EML4: variants seen among roughly 807,000 people sequenced by gnomAD.
EML4 encodes the protein EMAP like 4.
In EML4, 72 loss-of-function variants were observed where a neutral mutation model predicts 129.0. The ratio of observed to expected loss-of-function variants is 0.56; its 90% CI spans 0.46 to 0.68. EML4 has a LOEUF of 0.68. EML4 is among the 30% of genes least tolerant of loss of function. EML4 has a pLI of 0.00. For missense variants in EML4, 1,363 were observed against 1,190.6 expected, an observed-to-expected ratio of 1.14 and a Z score of -2.13; for synonymous variants, 532 against 405.0, an observed-to-expected ratio of 1.31 and a Z score of -3.77.
At chr2:42,194,450 G>A (rs1290413295) in intron 1 of EML4, among the ~76,000 whole-genome samples, 1 of 146,252 alleles carries the variant, frequency 6.8e-6, no homozygotes, top group Non-Finnish European at 1.5e-5. Context: ...CCCCTACATT[G>A]TGGCTTGCCT....
At chr2:42,192,855 C>G (rs1671681723) in intron 1 of EML4, among the ~76,000 whole-genome samples, 1 of 152,130 alleles carries the variant, frequency 6.6e-6, no homozygotes, top group Admixed American at 6.5e-5. Context: ...ATCTAGAGAC[C>G]CTGAGATTCT....
intron 3 of EML4, among the ~76,000 whole-genome samples, 167 bp from the exon 4 acceptor site, chr2:42,260,954 C>T (rs577903581): frequency 9.9e-5 from 15 of 152,126 alleles, no homozygotes; most frequent in Non-Finnish European, 2.2e-4. Context: ...ATGTTAATAG[C>T]TTCTGGAATT....
intron 3 of EML4, among the ~76,000 whole-genome samples, chr2:42,258,799 T>G (rs180788546): frequency 3.3e-5 from 5 of 152,342 alleles, no homozygotes; most frequent in Admixed American, 2.0e-4. Flanking sequence ...TGCATCAGGT[T>G]AAGAAATGTC....
At chr2:42,211,326 T>C (rs1181572411) in intron 1 of EML4, among the ~76,000 whole-genome samples, 2 of 152,136 alleles carry the variant, frequency 1.3e-5, no homozygotes, top group Non-Finnish European at 2.9e-5. Flanking sequence ...CTGTGTTGAA[T>C]AGAATAAAAG....
At chr2:42,221,990 C>G (rs1453834804) in intron 1 of EML4, among the ~76,000 whole-genome samples, 10 of 152,012 alleles carry the variant, frequency 6.6e-5, no homozygotes, top group Non-Finnish European at 1.5e-5. Context: ...CCTGCCTGGT[C>G]CCAACGTGCT....
chr2:42,268,727 C>T (rs561360237), intron 6 of EML4, among the ~76,000 whole-genome samples: 4 of 152,300 alleles, frequency 2.6e-5, no homozygotes, highest in South Asian at 2.1e-4. Context: ...TGTGAGCCGC[C>T]GCACCTGGCC....
At chr2:42,246,696 TC>T (rs780542618) in intron 2 of EML4, among the ~76,000 whole-genome samples, 2 of 152,186 alleles carry the variant, frequency 1.3e-5, no homozygotes, top group Non-Finnish European at 2.9e-5. Flanking sequence ...GGAATGTTCC[TC>T]TTATGGATGA....
intron 1 of EML4, among the ~76,000 whole-genome samples, chr2:42,205,286 A>G (rs535905699): frequency 2.6e-5 from 4 of 152,354 alleles, no homozygotes; most frequent in Admixed American, 2.6e-4. Context: ...TACAATTCTG[A>G]ATTAAAATGC....
intron 7 of EML4, among the ~76,000 whole-genome samples, chr2:42,281,824 C>T (rs1452118522): frequency 3.3e-5 from 5 of 152,156 alleles, no homozygotes; most frequent in South Asian, 2.1e-4. Context: ...CCAAGAAACT[C>T]AGTGAAACAG....
chr2:42,288,467 T>A, intron 11 of EML4, 145 bp downstream of exon 11: 1 of 459,464 alleles, frequency 2.2e-6, no homozygotes, highest in Non-Finnish European at 3.9e-6. Flanking sequence ...TAGTGATTTG[T>A]CATAATCGTT....
At chr2:42,266,674 G>T (rs1190108303) in intron 6 of EML4, among the ~76,000 whole-genome samples, 1 of 150,230 alleles carries the variant, frequency 6.7e-6, no homozygotes, top group African/African-American at 2.5e-5. Context: ...TTTAAATAGA[G>T]TCGGCGGTAT....
intron 2 of EML4, among the ~76,000 whole-genome samples, chr2:42,248,442 A>G (rs1283142929): frequency 6.6e-6 from 1 of 152,128 alleles, no homozygotes; most frequent in South Asian, 2.1e-4. Context: ...CTACTTCTCA[A>G]TGTCATGAAA....
intron 1 of EML4, chr2:42,169,975 T>C: frequency 3.8e-6 from 1 of 262,480 alleles, no homozygotes; most frequent in South Asian, 1.2e-4. Flanking sequence ...CTTACCCCCC[T>C]TCAGAGTTGG....
rs564539628 is a variant in EML4, at chr2:42,316,727, C to G, written c.2056+677C>G. Among the ~76,000 whole-genome samples the G allele has an allele frequency of 4.6e-5, 7 of 152,260 alleles. No individual in the cohort carries two copies. The South Asian group carries it at 1.5e-3, about 32-fold the overall frequency. On this transcript the variant is annotated intron_variant, in intron 18 of 22. Coordinates refer to ENST00000318522, the MANE Select transcript of EML4 (RefSeq NM_019063.5). Reference sequence around the variant, plus strand: ...TGAAAATATATGCCAATAGTTGTTGCATTAGCACAGGATCCAGAGAATCTT... The same window carrying G: ...TGAAAATATATGCCAATAGTTGTTGGATTAGCACAGGATCCAGAGAATCTT...
intron 1 of EML4, among the ~76,000 whole-genome samples, chr2:42,174,442 C>T (rs1670456621): frequency 6.6e-6 from 1 of 151,992 alleles, no homozygotes; most frequent in Admixed American, 6.6e-5. Flanking sequence ...AGTTGTGTAC[C>T]ACCACACCTG....
At chr2:42,242,426 G>A (rs949812142) in intron 1 of EML4, among the ~76,000 whole-genome samples, 3 of 152,160 alleles carry the variant, frequency 2.0e-5, no homozygotes, top group African/African-American at 7.2e-5. Flanking sequence ...CAGAATTGAA[G>A]GGCCAAGGCT....
chr2:42,244,320 A>G (rs540064173), intron 1 of EML4, among the ~76,000 whole-genome samples: 34 of 152,030 alleles, frequency 2.2e-4, no homozygotes, highest in African/African-American at 8.2e-4. Context: ...GATGGTCTCG[A>G]TCTCCTGACC....
intron 7 of EML4, among the ~76,000 whole-genome samples, chr2:42,281,816 A>C (rs772341247): frequency 2.1e-4 from 31 of 149,440 alleles, no homozygotes; most frequent in Non-Finnish European, 8.8e-5. Context: ...TAGAACCTCC[A>C]AGAAACTCAG....
chr2:42,300,747 A>G (rs1201253580), intron 13 of EML4, among the ~76,000 whole-genome samples: 1 of 152,188 alleles, frequency 6.6e-6, no homozygotes, highest in Non-Finnish European at 1.5e-5. Context: ...AGGTCAACCA[A>G]AGATGTTTTT....
Sources: gnomAD v4.1 joint callset for allele counts (sites outside exome capture counted in the v4.1 genomes callset) on GRCh38, gnomAD v4.1.1 for gene constraint, MANE v1.5 for transcripts, NCBI Gene and HGNC (gene_info 2026-07-23, HGNC 2026-07-21) for gene names.